The following STK3 variants were observed in gnomAD, a reference collection of about 807,000 sequenced individuals.
The protein encoded by STK3 is serine/threonine-protein kinase 3.
A neutral mutation model predicts 58.0 loss-of-function variants in STK3; 41 were observed. The observed-to-expected ratio is 0.71, with a 90% CI of 0.55 to 0.92. The LOEUF (loss-of-function observed/expected upper bound fraction) is 0.92, where lower values mean the gene tolerates loss of function less well. Ranked by LOEUF, STK3 falls within the 40% of genes least tolerant of loss-of-function variation. The pLI, the probability that STK3 is intolerant of heterozygous loss-of-function variation, is 0.00. For synonymous variants in STK3, 170 were observed against 191.0 expected (o/e 0.89, Z 0.91); for missense variants, 479 against 602.7 (o/e 0.79, Z 2.15).
chr8:98,741,464 T>C (rs1380021811), intron 4 of STK3, among the ~76,000 whole-genome samples: 2 of 152,088 alleles, frequency 1.3e-5, no homozygotes, highest in African/African-American at 2.4e-5. Flanking sequence ...CTCAACTACA[T>C]GGAAACTGAA....
intron 1 of STK3, among the ~76,000 whole-genome samples, chr8:98,387,519 C>T (rs1817802037): frequency 6.6e-6 from 1 of 152,224 alleles, no homozygotes; most frequent in Non-Finnish European, 1.5e-5. Flanking sequence ...GAGACCAAGG[C>T]AGGCAGATCA....
At chr8:98,618,206 C>T (rs1232643257) in intron 6 of STK3, among the ~76,000 whole-genome samples, 1 of 151,520 alleles carries the variant, frequency 6.6e-6, no homozygotes, top group African/African-American at 2.4e-5. Context: ...GAGCCAAAGA[C>T]AAAAACCACA....
chr8:98,725,154 T>C lies in STK3; in HGVS notation c.352-17843A>G, dbSNP rs181444129. Among the ~76,000 whole-genome samples, 8 of 152,236 alleles carry C rather than the reference T, an allele frequency of 5.3e-5. No homozygotes were observed. The East Asian group carries it at 1.5e-3, about 29-fold the overall frequency. ...AAAAATACATTCTGTTACACACACA[T>C]AAGACCTATATGTACTGGTATGGGA... is the stretch of plus-strand genomic sequence containing the variant. On this transcript the variant is annotated intron_variant, in intron 4 of 10. Transcript: ENST00000419617.
intron 1 of STK3, among the ~76,000 whole-genome samples, chr8:98,781,620 A>G (rs1832093555): frequency 6.6e-6 from 1 of 152,272 alleles, no homozygotes; most frequent in African/African-American, 2.4e-5. Context: ...AGATTATATT[A>G]CCAAAAGATA....
At chr8:98,693,261 G>A (rs962315040) in intron 6 of STK3, among the ~76,000 whole-genome samples, 1 of 152,102 alleles carries the variant, frequency 6.6e-6, no homozygotes, top group African/African-American at 2.4e-5. Flanking sequence ...AGCCAGCCAT[G>A]GTAGCTTGTG....
At chr8:98,581,027 G>A (rs1045208026) in intron 7 of STK3, among the ~76,000 whole-genome samples, 20 of 152,166 alleles carry the variant, frequency 1.3e-4, no homozygotes, top group Admixed American at 1.2e-3. Flanking sequence ...CATATCTGTG[G>A]TAGAGACTCC....
chr8:98,711,696 T>C lies in STK3; in HGVS notation c.352-4385A>G, dbSNP rs536837653. On this transcript the variant is annotated intron_variant, in intron 4 of 10. Transcript: ENST00000419617. Reference sequence around the variant, plus strand: ...AAGTGATGGGGAGAATGAAACCAAGTTGGAAAACACTCCGCAGGATATCAT... The same window carrying C: ...AAGTGATGGGGAGAATGAAACCAAGCTGGAAAACACTCCGCAGGATATCAT... Among the ~76,000 whole-genome samples, 441 of 152,284 alleles carry C rather than the reference T, an allele frequency of 2.9e-3. 4 individuals are homozygous for C. The highest frequency in any genetic ancestry group is 9.8e-3 in the African/African-American group (408 of 41,544).
At chr8:98,782,232 A>G in intron 1 of STK3, 1 of 170,936 alleles carries the variant, frequency 5.9e-6, no homozygotes, top group Non-Finnish European at 1.3e-5. Flanking sequence ...TCACTGCCAA[A>G]AAAGCACCTT....
upstream of STK3, among the ~76,000 whole-genome samples, chr8:98,830,499 A>G (rs962295146): frequency 2.6e-5 from 4 of 152,238 alleles, no homozygotes; most frequent in African/African-American, 9.6e-5. Context: ...AGAAAAAAAA[A>G]TGCTTCAAGC....
intron 1 of STK3, among the ~76,000 whole-genome samples, chr8:98,908,616 C>T (rs990267670): frequency 5.3e-5 from 8 of 151,318 alleles, no homozygotes; most frequent in East Asian, 3.9e-4. Flanking sequence ...GAGGCCGGGG[C>T]GGGCGGATCA....
intron 3 of STK3, among the ~76,000 whole-genome samples, chr8:98,833,269 G>A (rs913213541): frequency 6.6e-6 from 1 of 152,158 alleles, no homozygotes; most frequent in Non-Finnish European, 1.5e-5. Context: ...ATTGACAATT[G>A]GTTGAAAGAG....
At chr8:98,358,682 G>A in the STK3 span, among the ~76,000 whole-genome samples, 1 of 152,116 alleles carries the variant, frequency 6.6e-6, no homozygotes, top group Non-Finnish European at 1.5e-5. Flanking sequence ...TGACTCAGAG[G>A]AAAGGTAGGC....
chr8:98,392,115 G>GT (rs201851873), upstream of STK3, among the ~76,000 whole-genome samples: 1 of 152,008 alleles, frequency 6.6e-6, no homozygotes, highest in East Asian at 1.9e-4. Flanking sequence ...TTCTGAGTCT[G>GT]TTTTTTTAAA....
intron 6 of STK3, among the ~76,000 whole-genome samples, chr8:98,692,217 G>T (rs1824463696): frequency 6.6e-6 from 1 of 152,142 alleles, no homozygotes; most frequent in Admixed American, 6.5e-5. Context: ...AAAACAGTAT[G>T]GAGGTTCCTC....
intron 10 of STK3, among the ~76,000 whole-genome samples, chr8:98,516,938 G>C (rs986876709): frequency 6.6e-6 from 1 of 152,008 alleles, no homozygotes; most frequent in East Asian, 1.9e-4. Context: ...TAAACTGAAG[G>C]TCTGTGAGAA....
intron 3 of STK3, among the ~76,000 whole-genome samples, chr8:98,762,242 TTTG>T (rs1830665268): frequency 6.6e-6 from 1 of 152,122 alleles, no homozygotes; most frequent in African/African-American, 2.4e-5. Flanking sequence ...CCCATTCTTT[TTTG>T]TTTCTTTTTT....
chr8:98,671,484 T>G (rs1822826955), intron 6 of STK3, among the ~76,000 whole-genome samples: 1 of 152,222 alleles, frequency 6.6e-6, no homozygotes, highest in South Asian at 2.1e-4. Context: ...ATATTTTATA[T>G]TATATGAAAA....
chr8:98,902,125 T>C (rs892780323), intron 1 of STK3, among the ~76,000 whole-genome samples: 3 of 152,158 alleles, frequency 2.0e-5, no homozygotes, highest in African/African-American at 7.2e-5. Context: ...CATCTCTCCC[T>C]CCTTCGTCTG....
chr8:98,710,669 A>G (rs1377139190), intron 4 of STK3, among the ~76,000 whole-genome samples: 2 of 152,234 alleles, frequency 1.3e-5, no homozygotes, highest in African/African-American at 2.4e-5. Flanking sequence ...GCAGCCCACC[A>G]CAGCTCAAGG....
Sources: gnomAD v4.1 joint callset for allele counts (sites outside exome capture counted in the v4.1 genomes callset) on GRCh38, gnomAD v4.1.1 for gene constraint, MANE v1.5 for transcripts, NCBI Gene and HGNC (gene_info 2026-07-23, HGNC 2026-07-21) for gene names.